The following MAST2 variants were observed in gnomAD, a reference collection of about 807,000 sequenced individuals.
MAST2 encodes microtubule associated serine/threonine kinase 2.
Under a neutral mutation model 147.4 loss-of-function variants are expected in MAST2, and 70 were observed. The observed-to-expected ratio is 0.47, with a 90% CI of 0.39 to 0.58. The LOEUF (loss-of-function observed/expected upper bound fraction) is 0.58, where lower values mean the gene tolerates loss of function less well. Ranked by LOEUF, MAST2 falls within the 20% of genes least tolerant of loss-of-function variation. The pLI is 0.00. For missense variants in MAST2, 2,080 were observed against 2,302.3 expected, an observed-to-expected ratio of 0.90 and a Z score of 1.98; for synonymous variants, 869 against 896.8, an observed-to-expected ratio of 0.97 and a Z score of 0.55.
At chr1:45,852,583 C>T (rs1645658015) in intron 3 of MAST2, among the ~76,000 whole-genome samples, 1 of 149,630 alleles carries the variant, frequency 6.7e-6, no homozygotes, top group Admixed American at 6.7e-5. Context: ...GTTGCCCAGA[C>T]TGGTCTCGAA....
At position 46,031,625 on chromosome 1, in the gene MAST2, G is replaced by A. The variant is rs767091959; in HGVS notation, c.3187+40G>A. 3 of 1,583,344 alleles carry A rather than the reference G, an allele frequency of 1.9e-6. No individual in the cohort carries two copies. The highest frequency in any genetic ancestry group is 1.1e-5 in the South Asian group (1 of 88,078). ...GAGCTGGGATAAAACTCACAGGAAG[G>A]GCCTTGTAATCTCTAGGCCTTGGGA... On this transcript the variant is annotated intron_variant, in intron 24 of 28. Coordinates refer to ENST00000361297, the MANE Select transcript of MAST2 (RefSeq NM_015112.3). The surrounding 1 kb of genome is among the most constrained non-coding windows in gnomAD (Gnocchi z 4.1).
At position 46,023,374 on chromosome 1, in the gene MAST2, C is replaced by G; in HGVS notation, c.1571+56C>G. 1 of 1,508,514 alleles carries G rather than the reference C, an allele frequency of 6.6e-7. No individual in the cohort carries two copies. The highest frequency in any genetic ancestry group is 9.2e-7 in the Non-Finnish European group (1 of 1,085,068). 93.4% of individuals were successfully genotyped at this position (1,508,514 alleles called of 1,614,324 possible). On this transcript the variant is annotated intron_variant, in intron 14 of 28. Coordinates refer to ENST00000361297, the MANE Select transcript of MAST2 (RefSeq NM_015112.3). This position sits in a 1 kb window ranked among gnomAD's most constrained non-coding sequence, Gnocchi z 4.9. ...CTGAAGCCGGGTCAGCCTTTGATCT[C>G]TTCCATGTGAGAGTGTATGCTGCCC...
chr1:45,903,126 CTTTTTTTTTT>C (rs34621764), intron 4 of MAST2, among the ~76,000 whole-genome samples: 1 of 79,322 alleles, frequency 1.3e-5, no homozygotes, highest in Non-Finnish European at 2.2e-5. Flanking sequence ...AAATTTTTGT[CTTTTTTTTTT>C]TTTTTTTTTT....
At chr1:45,884,479 G>A (rs764372937) in intron 4 of MAST2, among the ~76,000 whole-genome samples, 4 of 152,152 alleles carry the variant, frequency 2.6e-5, no homozygotes, top group Non-Finnish European at 2.9e-5. Context: ...TTGAATCCAG[G>A]AGACGGAGGT....
chr1:45,838,688 G>A (rs999962183), intron 3 of MAST2, among the ~76,000 whole-genome samples: 11 of 151,908 alleles, frequency 7.2e-5, no homozygotes, highest in African/African-American at 2.7e-4. Context: ...CCCTGTCTGT[G>A]ACTTACATTT....
intron 4 of MAST2, among the ~76,000 whole-genome samples, chr1:45,908,250 AGGTT>A (rs1467527402): frequency 2.0e-5 from 3 of 152,062 alleles, no homozygotes; most frequent in Non-Finnish European, 4.4e-5. Flanking sequence ...CAGAACGTAC[AGGTT>A]TGTTACATAG....
rs1259006951 is a variant in MAST2, at chr1:45,803,948, G to A, written c.53G>A (p.Arg18Gln). ...DRPQPPPPDR[R>Q]EDGVQRAAEL... Reference sequence around the variant, plus strand: ...CCGCAGCCGCCGCCGCCCGACCGCCGGGAGGATGGAGTTCAGCGGGCAGCG... The same window carrying A: ...CCGCAGCCGCCGCCGCCCGACCGCCAGGAGGATGGAGTTCAGCGGGCAGCG... The change falls in exon 1 of 29, where the codon CGG (arginine) becomes CAG (glutamine). Residue 18 changes from arginine to glutamine, a missense_variant. Transcript: ENST00000361297. The A allele has an allele frequency of 1.0e-6, 1 of 954,750 alleles. No homozygotes were observed. The allele number at this position is 954,750 out of a possible 1,614,324, so 59.1% of individuals were successfully genotyped here. A position where few individuals can be genotyped will look rare whatever the true frequency, so the allele number is the denominator to read the frequency against.
chr1:45,862,505 T>TTTTTTA (rs397980109), intron 3 of MAST2, among the ~76,000 whole-genome samples: 1 of 150,812 alleles, frequency 6.6e-6, no homozygotes, highest in African/African-American at 2.4e-5. Flanking sequence ...TTTTTTTTTT[T>TTTTTTA]AACCTTGAGT....
Position 46,031,516 on chromosome 1 carries a change from A to C in MAST2, c.3118A>C (p.Thr1040Pro). The C allele has an allele frequency of 6.2e-7, 1 of 1,614,180 alleles. No homozygotes were observed. Among genetic ancestry groups the C allele is most frequent in the Non-Finnish European group, 8.5e-7 (1 of 1,180,020 alleles). ...CTCTGGGGACTCAACAGAGAAGCGC[A>C]CTGCTCGCCCTGTCAACAAAGTGAT... ...LLSGDSTEKR[T>P]ARPVNKVIKS... The change falls in exon 24 of 29, where the codon ACT (threonine) becomes CCT (proline). Residue 1040 changes from threonine (T) to proline (P), a missense_variant. Around this residue, in one of 4 missense-constraint regions of MAST2, gnomAD observed 1,278 missense variants for 1,304.2 expected, o/e 0.98. Transcript: ENST00000361297. This position sits in a 1 kb window ranked among gnomAD's most constrained non-coding sequence, Gnocchi z 4.1.
intron 4 of MAST2, among the ~76,000 whole-genome samples, chr1:45,924,411 A>G (rs1447527683): frequency 2.6e-5 from 4 of 152,190 alleles, no homozygotes; most frequent in Non-Finnish European, 5.9e-5. Context: ...CCAGTAAACA[A>G]TGTGCATAAG....
At chr1:45,902,012 T>A (rs1412818182) in intron 4 of MAST2, among the ~76,000 whole-genome samples, 1 of 152,212 alleles carries the variant, frequency 6.6e-6, no homozygotes, top group Non-Finnish European at 1.5e-5. Context: ...CTTCCAGTAC[T>A]ATGTGGAATA....
chr1:45,897,504 T>C (rs1382695333), intron 4 of MAST2, among the ~76,000 whole-genome samples: 1 of 152,024 alleles, frequency 6.6e-6, no homozygotes, highest in African/African-American at 2.4e-5. Flanking sequence ...TAAAGGTGAT[T>C]TGGGGAGGAA....
At chr1:45,934,057 C>A (rs1001154100) in intron 4 of MAST2, among the ~76,000 whole-genome samples, 6 of 151,982 alleles carry the variant, frequency 3.9e-5, no homozygotes, top group African/African-American at 1.4e-4. Flanking sequence ...TTTTTCAGTT[C>A]TCTCCCTCCT....
intron 4 of MAST2, among the ~76,000 whole-genome samples, chr1:45,899,837 G>C (rs1649437592): frequency 6.6e-6 from 1 of 151,744 alleles, no homozygotes; most frequent in Non-Finnish European, 1.5e-5. Context: ...GGGAAAAAAA[G>C]AGCTTTACAA....
chr1:46,029,964 C>A lies in MAST2; in HGVS notation c.2443+11C>A, dbSNP rs370569559. 3 of 1,613,802 alleles carry A rather than the reference C, an allele frequency of 1.9e-6. No individual in the cohort carries two copies. The highest frequency in any genetic ancestry group is 1.1e-5 in the South Asian group (1 of 90,980). On this transcript the variant is annotated intron_variant, in intron 20 of 28. Transcript: ENST00000361297. ...CTAGCTATTTTGACAGTAAGGCCAC[C>A]GATGGGTGGGGTGGAGGATGGGTCC... is the stretch of plus-strand genomic sequence containing the variant.
At chr1:45,895,413 C>A (rs1263229658) in intron 4 of MAST2, among the ~76,000 whole-genome samples, 1 of 152,046 alleles carries the variant, frequency 6.6e-6, no homozygotes, top group Non-Finnish European at 1.5e-5. Context: ...AATAACTTAG[C>A]TATAAATAAA....
Position 46,031,189 on chromosome 1 carries a change from C to A in MAST2, c.2891C>A (p.Pro964Gln). Residue 964 changes from proline to glutamine, a missense_variant, in exon 23 of 29, where the codon CCA becomes CAA. Around this residue, in one of 4 missense-constraint regions of MAST2, gnomAD observed 1,278 missense variants for 1,304.2 expected, o/e 0.98. Coordinates refer to ENST00000361297, the MANE Select transcript of MAST2 (RefSeq NM_015112.3). This position sits in a 1 kb window ranked among gnomAD's most constrained non-coding sequence, Gnocchi z 4.1. ...GAGGGTATATGGGTCCTGACACCCC[C>A]ATCTGGAGAGGGGGTATCTGGGCCT... Reference protein sequence around the residue: ...PQEGIWVLTPPSGEGVSGPVT... With the variant: ...PQEGIWVLTPQSGEGVSGPVT... 6.3e-7 allele frequency: 1 copy of A among 1,577,228 alleles called. No homozygotes were observed. The highest frequency in any genetic ancestry group is 8.6e-7 in the Non-Finnish European group (1 of 1,157,396).
At chr1:45,935,066 A>G (rs1021758360) in intron 4 of MAST2, among the ~76,000 whole-genome samples, 6 of 152,132 alleles carry the variant, frequency 3.9e-5, no homozygotes, top group African/African-American at 1.2e-4. Context: ...AGCATCCATT[A>G]TTTTTTGGCT....
intron 9 of MAST2, among the ~76,000 whole-genome samples, chr1:46,009,422 C>T (rs954227238): frequency 2.0e-5 from 3 of 152,198 alleles, no homozygotes; most frequent in Non-Finnish European, 4.4e-5. Flanking sequence ...TGAAGATAGG[C>T]CCTGTTCCTG....
Sources: gnomAD v4.1 joint callset for allele counts (sites outside exome capture counted in the v4.1 genomes callset) on GRCh38, gnomAD v4.1.1 for gene constraint, gnomAD v4.1.1 regional missense constraint, Gnocchi (gnomAD v3.1) non-coding constraint, MANE v1.5 for transcripts, NCBI Gene and HGNC (gene_info 2026-07-23, HGNC 2026-07-21) for gene names.